Variants in ENDOV observed in about 807,000 individuals in gnomAD.
The protein encoded by ENDOV is hEndoV.
ENDOV carries 37 observed loss-of-function variants against 39.4 expected under a neutral mutation model. That is an observed-to-expected ratio of 0.94 (90% CI 0.72 to 1.23). The LOEUF (loss-of-function observed/expected upper bound fraction) is 1.23, where lower values mean the gene tolerates loss of function less well. Among genes scored for constraint, ENDOV ranks in the 50% most tolerant of loss-of-function variants. The pLI, the probability that ENDOV is intolerant of heterozygous loss-of-function variation, is 0.00. For missense variants in ENDOV, 441 were observed against 375.7 expected (o/e 1.17, Z -1.44); for synonymous variants, 186 against 163.4 (o/e 1.14, Z -1.05).
In ENDOV at chr17:80,429,630, G is replaced by GCTCTGCCCTGCC. The variant is rs1192486173; in HGVS notation, c.780-132_780-121dup. On this transcript the variant is annotated intron_variant, in intron 8 of 9. Transcript: ENST00000518137. ...TGCAAGCTGCGTGTCTGAGCAGCGT[G>GCTCTGCCCTGCC]CTCTGCCCTGCCCTCTGCCCTGGGC... 33 of 738,948 alleles carry GCTCTGCCCTGCC rather than the reference G, an allele frequency of 4.5e-5. No homozygotes were observed. In the Middle Eastern group the frequency reaches 1.2e-3, roughly 26 times the overall value. 45.8% of individuals were successfully genotyped at this position (738,948 alleles called of 1,614,324 possible).
At chr17:80,417,156 C>T (rs2081324036) in intron 2 of ENDOV, 1 of 152,258 alleles carries the variant, frequency 6.6e-6, no homozygotes, top group African/African-American at 2.4e-5. Context: ...GACCTGTCCC[C>T]TGCGTAATTT....
chr17:80,431,246 C>G (rs41301890), intron 9 of ENDOV, among the ~76,000 whole-genome samples: 9,292 of 152,246 alleles, frequency 0.061, 920 homozygotes, highest in African/African-American at 0.21. Context: ...CCTGAGGGAA[C>G]AGGTACACAG....
At chr17:80,424,576 C>T (rs1488750943) in intron 5 of ENDOV, among the ~76,000 whole-genome samples, 1 of 152,008 alleles carries the variant, frequency 6.6e-6, no homozygotes, top group East Asian at 1.9e-4. Context: ...AGTGTCGTCT[C>T]AGGTGGTGTG....
intron 9 of ENDOV, among the ~76,000 whole-genome samples, chr17:80,432,907 C>T (rs2083415045): frequency 6.6e-6 from 1 of 152,166 alleles, no homozygotes; most frequent in African/African-American, 2.4e-5. Flanking sequence ...TGCCTCATTC[C>T]ACCTACCTCC....
intron 7 of ENDOV, chr17:80,428,338 A>G: frequency 1.9e-6 from 1 of 516,988 alleles, no homozygotes; most frequent in Non-Finnish European, 3.5e-6. Context: ...CTGTCCACTC[A>G]CCAGCTACTC....
At position 80,419,222 on chromosome 17, in the gene ENDOV, G is replaced by GA. The variant is rs199943727; in HGVS notation, c.229-2601dup. ...CAGAGCCCTACCCCACTTACTGGGG[G>GA]AAAAACTCTCCCAGAGTATAGCATA... is the stretch of plus-strand genomic sequence containing the variant. On this transcript the variant is annotated intron_variant, in intron 2 of 9. Coordinates refer to ENST00000518137, the MANE Select transcript of ENDOV (RefSeq NM_173627.5). Among the ~76,000 whole-genome samples the GA allele has an allele frequency of 6.4e-3, 970 of 151,832 alleles. 10 individuals are homozygous for GA. The highest frequency in any genetic ancestry group is 0.021 in the African/African-American group (874 of 41,404).
At chr17:80,423,778 C>G in intron 5 of ENDOV, 146 bp downstream of exon 5, 2 of 742,904 alleles carry the variant, frequency 2.7e-6, no homozygotes, top group South Asian at 3.7e-5. Flanking sequence ...TAAGAAAGAC[C>G]TGCTTTCCTC....
intron 9 of ENDOV, among the ~76,000 whole-genome samples, chr17:80,431,960 G>A (rs1043193716): frequency 6.6e-6 from 1 of 152,164 alleles, no homozygotes; most frequent in Non-Finnish European, 1.5e-5. Flanking sequence ...TTGAGGTTGT[G>A]TGGACCCTGT....
chr17:80,430,725 C>G (rs1275352798), intron 9 of ENDOV, among the ~76,000 whole-genome samples: 2 of 152,174 alleles, frequency 1.3e-5, no homozygotes, highest in Non-Finnish European at 2.9e-5. Context: ...GGGTGCCAGG[C>G]TCTGTGCCCG....
chr17:80,431,043 G>A (rs2083300723), intron 9 of ENDOV, among the ~76,000 whole-genome samples: 1 of 152,202 alleles, frequency 6.6e-6, no homozygotes. Context: ...GAGGATGCTG[G>A]AATCTGCCAC....
intron 2 of ENDOV, chr17:80,418,076 A>C (rs1234315532): frequency 6.6e-6 from 1 of 152,184 alleles, no homozygotes; most frequent in East Asian, 1.9e-4. Flanking sequence ...CCCTACTCTA[A>C]GAGGTCCCCT....
rs1474833945 is a variant in ENDOV at position 80,437,690 on chromosome 17, A to G, written c.*1547A>G. The G allele has an allele frequency of 6.6e-6, 1 of 152,234 alleles. No homozygotes were observed. The highest frequency in any genetic ancestry group is 1.5e-5 in the Non-Finnish European group (1 of 68,034). The allele number at this position is 152,234 out of a possible 1,614,324, so 9.4% of individuals were successfully genotyped here. On this transcript the variant is annotated 3_prime_UTR_variant, in exon 10 of 10. Coordinates refer to ENST00000518137, the MANE Select transcript of ENDOV (RefSeq NM_173627.5). ...TTACTCTGTGACACTGCAGCTCTCC[A>G]GAGAGACGCTTTGAAAACAAAACAG... is the stretch of plus-strand genomic sequence containing the variant.
At chr17:80,420,673 A>G (rs1265964253) in intron 2 of ENDOV, 1 of 152,264 alleles carries the variant, frequency 6.6e-6, no homozygotes, top group East Asian at 1.9e-4. Flanking sequence ...ACATAGTGGG[A>G]AACGTCTTCA....
At chr17:80,430,597 A>T (rs568057759) in intron 9 of ENDOV, among the ~76,000 whole-genome samples, 24 of 152,224 alleles carry the variant, frequency 1.6e-4, no homozygotes, top group African/African-American at 5.3e-4. Context: ...CTGTCCCAGG[A>T]AGAGGGAGCA....
At chr17:80,428,174 C>A (rs542685192) in intron 7 of ENDOV, among the ~76,000 whole-genome samples, 18 of 152,338 alleles carry the variant, frequency 1.2e-4, no homozygotes, top group African/African-American at 4.3e-4. Context: ...AGAGGACAGA[C>A]CAGCTGGGCT....
chr17:80,425,177 G>T, intron 6 of ENDOV, 77 bp downstream of exon 6: 5 of 1,275,246 alleles, frequency 3.9e-6, no homozygotes, highest in Non-Finnish European at 5.5e-6. Context: ...GGTGCATGCA[G>T]ACACGCGTGC....
At chr17:80,421,064 A>G (rs1173157984) in intron 2 of ENDOV, among the ~76,000 whole-genome samples, 1 of 152,140 alleles carries the variant, frequency 6.6e-6, no homozygotes, top group African/African-American at 2.4e-5. Flanking sequence ...GACACCAGGA[A>G]AGCAAGGGGC....
chr17:80,431,829 C>T (rs1261049451), intron 9 of ENDOV, among the ~76,000 whole-genome samples: 2 of 152,200 alleles, frequency 1.3e-5, no homozygotes, highest in East Asian at 3.8e-4. Context: ...TTCCACTTGC[C>T]TTGGAAAGGG....
At position 80,415,708 on chromosome 17, in the gene ENDOV, G is replaced by C. The variant is rs1599267343; in HGVS notation, c.115G>C (p.Asp39His). 1.2e-6 allele frequency: 2 copies of C among 1,611,214 alleles called. No homozygotes were observed. The highest frequency in any genetic ancestry group is 8.5e-7 in the Non-Finnish European group (1 of 1,178,854). Residue 39 changes from aspartate (D) to histidine (H), a missense_variant, in exon 2 of 10, where the codon GAC becomes CAC. By Grantham distance (81) the Asp-to-His change is moderately conservative. Coordinates refer to ENST00000518137, the MANE Select transcript of ENDOV (RefSeq NM_173627.5). ...VDRDTEAWQR[D>H]PAFSGLQRVG... ...CCGGGACACCGAGGCGTGGCAGCGA[G>C]ACCCCGCCTTCTCGGGTCTGCAGAG... is the stretch of plus-strand genomic sequence containing the variant.
Sources: gnomAD v4.1 joint callset for allele counts (sites outside exome capture counted in the v4.1 genomes callset) on GRCh38, gnomAD v4.1.1 for gene constraint, MANE v1.5 for transcripts, NCBI Gene and HGNC (gene_info 2026-07-23, HGNC 2026-07-21) for gene names.